The following SLC35D4 variants were observed in gnomAD, a reference collection of about 807,000 sequenced individuals.
SLC35D4 encodes UDP-N-acetylglucosamine transporter SLC35D4.
chr18:23,421,550 T>A, the SLC35D4 span: 1 of 904,892 alleles, frequency 1.1e-6, no homozygotes, highest in Non-Finnish European at 1.8e-6. Context: ...AGTTCAACTC[T>A]ATTTACTACT....
chr18:23,317,181 A>ACACC, the SLC35D4 span, among the ~76,000 whole-genome samples: 19 of 143,836 alleles, frequency 1.3e-4, no homozygotes, highest in Non-Finnish European at 2.6e-4. Flanking sequence ...ACACACACAC[A>ACACC]CCCCACTAAT....
At chr18:23,258,459 A>G in the SLC35D4 span, 1 of 152,110 alleles carries the variant, frequency 6.6e-6, no homozygotes, top group African/African-American at 2.4e-5. Flanking sequence ...CTTTCTTAAC[A>G]TTCCCACGTG....
chr18:23,373,785 A>T, the SLC35D4 span: 1 of 1,610,264 alleles, frequency 6.2e-7, no homozygotes, highest in Non-Finnish European at 8.5e-7. Flanking sequence ...GAGATAAAAC[A>T]CTGCAGCTTC....
the SLC35D4 span, among the ~76,000 whole-genome samples, chr18:23,336,526 A>G: frequency 6.6e-6 from 1 of 152,228 alleles, no homozygotes; most frequent in Non-Finnish European, 1.5e-5. Flanking sequence ...ATGGTCTTTC[A>G]ATATAAAAGT....
chr18:23,371,510 T>C, the SLC35D4 span: 5 of 1,523,270 alleles, frequency 3.3e-6, no homozygotes, highest in Non-Finnish European at 4.5e-6. Flanking sequence ...TGGCTATAAG[T>C]GCAAGGCAAA....
the SLC35D4 span, among the ~76,000 whole-genome samples, chr18:23,381,099 T>C: frequency 6.6e-6 from 1 of 152,174 alleles, no homozygotes; most frequent in Non-Finnish European, 1.5e-5. Context: ...AAGAACATAT[T>C]ACAGCAGCAT....
At chr18:23,432,262 G>A in the SLC35D4 span, among the ~76,000 whole-genome samples, 4 of 152,158 alleles carry the variant, frequency 2.6e-5, no homozygotes, top group Admixed American at 2.0e-4. Flanking sequence ...AGATCCTGAA[G>A]CTCTTGCCTC....
chr18:23,336,081 AC>A, the SLC35D4 span, among the ~76,000 whole-genome samples: 1,551 of 152,182 alleles, frequency 0.01, 27 homozygotes, highest in African/African-American at 0.036. Context: ...AAAAAAAAAA[AC>A]AAGAACCTTA....
At chr18:23,389,628 T>A in the SLC35D4 span, among the ~76,000 whole-genome samples, 2 of 152,026 alleles carry the variant, frequency 1.3e-5, no homozygotes, top group Non-Finnish European at 2.9e-5. Flanking sequence ...AACCTCTGCC[T>A]CCCAGGTTCA....
the SLC35D4 span, among the ~76,000 whole-genome samples, chr18:23,367,661 G>C: frequency 1.3e-5 from 2 of 152,160 alleles, no homozygotes; most frequent in Admixed American, 6.5e-5. Flanking sequence ...AACATCATGT[G>C]GCAGGTACTC....
At chr18:23,297,092 C>T in the SLC35D4 span, 1 of 152,138 alleles carries the variant, frequency 6.6e-6, no homozygotes, top group African/African-American at 2.4e-5. Context: ...ATGAATGAAA[C>T]AAAACATACA....
chr18:23,376,316 A>T, the SLC35D4 span, among the ~76,000 whole-genome samples: 3 of 152,248 alleles, frequency 2.0e-5, no homozygotes, highest in African/African-American at 7.2e-5. Flanking sequence ...AACCATGTGT[A>T]GATGTCACTG....
At chr18:23,340,580 A>G in the SLC35D4 span, among the ~76,000 whole-genome samples, 1 of 152,224 alleles carries the variant, frequency 6.6e-6, no homozygotes, top group African/African-American at 2.4e-5. Flanking sequence ...AATGGAAAAT[A>G]TAAATGAAAC....
At chr18:23,377,652 A>T in the SLC35D4 span, 1 of 1,580,018 alleles carries the variant, frequency 6.3e-7, no homozygotes, top group Non-Finnish European at 8.5e-7. Context: ...TTACCTACAG[A>T]TCTTTGCAGG....
chr18:23,386,391 G>A, the SLC35D4 span, among the ~76,000 whole-genome samples: 1 of 152,124 alleles, frequency 6.6e-6, no homozygotes, highest in East Asian at 1.9e-4. Flanking sequence ...GAGTGATGCA[G>A]CCACAAGCTG....
chr18:23,370,083 G>A, the SLC35D4 span: 1 of 644,094 alleles, frequency 1.6e-6, no homozygotes, highest in Non-Finnish European at 2.6e-6. Context: ...GGAGGCTGAG[G>A]CAGGCGAATC....
chr18:23,308,848 T>TTCTCTCTCTCTC, the SLC35D4 span, among the ~76,000 whole-genome samples: 55 of 140,264 alleles, frequency 3.9e-4, no homozygotes, highest in African/African-American at 1.3e-3. Context: ...AGCACGTGTT[T>TTCTCTCTCTCTC]TCTCTCTCTC....
At chr18:23,304,385 CAT>C in the SLC35D4 span, among the ~76,000 whole-genome samples, 2 of 145,028 alleles carry the variant, frequency 1.4e-5, no homozygotes, top group African/African-American at 5.0e-5. Context: ...ATTTATATAA[CAT>C]ATCATTATAT....
At chr18:23,337,532 G>A in the SLC35D4 span, among the ~76,000 whole-genome samples, 47 of 151,250 alleles carry the variant, frequency 3.1e-4, 1 homozygote, top group East Asian at 7.6e-3. Flanking sequence ...ATTATTCCAC[G>A]TTAAAAAAAA....
Sources: gnomAD v4.1 joint callset for allele counts (sites outside exome capture counted in the v4.1 genomes callset) on GRCh38, gnomAD v4.1.1 for gene constraint, MANE v1.5 for transcripts, NCBI Gene and HGNC (gene_info 2026-07-23, HGNC 2026-07-21) for gene names.